Variants in RUSC1 observed in about 807,000 individuals in gnomAD.
RUSC1 encodes AP-4 complex accessory subunit RUSC1.
RUSC1 carries 40 observed loss-of-function variants against 72.1 expected under a neutral mutation model. The observed-to-expected ratio is 0.55, with a 90% CI of 0.43 to 0.72. RUSC1 has a LOEUF of 0.72. Among genes scored for constraint, RUSC1 ranks in the 30% least tolerant of loss-of-function variants. RUSC1 has a pLI of 0.00. For synonymous variants in RUSC1, 512 were observed against 494.2 expected (o/e 1.04, Z -0.48); for missense variants, 1,092 against 1,172.3 (o/e 0.93, Z 1.00).
In RUSC1 at chr1:155,326,275, C is replaced by T; in HGVS notation, c.1862-305C>T. ...CCCAGTGAGGCCCTACCTCTACCCT[C>T]GGACTAGGCCAACCCCCACGCCTCA... On this transcript the variant is annotated intron_variant, in intron 7 of 9. Coordinates refer to ENST00000368352, the MANE Select transcript of RUSC1 (RefSeq NM_001105203.2). This position sits in a 1 kb window ranked among gnomAD's most constrained non-coding sequence, Gnocchi z 4.7. 1.8e-6 allele frequency: 1 copy of T among 544,902 alleles called. No homozygotes were observed. Among genetic ancestry groups the T allele is most frequent in the Non-Finnish European group, 3.3e-6 (1 of 305,542 alleles). 33.8% of individuals were successfully genotyped at this position (544,902 alleles called of 1,614,324 possible). A position where few individuals can be genotyped will look rare whatever the true frequency, so the allele number is the denominator to read the frequency against.
intron 3 of RUSC1, 57 bp downstream of exon 3, chr1:155,325,000 GC>G: frequency 6.2e-7 from 1 of 1,613,834 alleles, no homozygotes; most frequent in Middle Eastern, 1.7e-4. Flanking sequence ...TTCGCCCCCG[GC>G]CCTGCTCTCA....
At chr1:155,324,789 G>C in intron 2 of RUSC1, 56 bp from the exon 3 acceptor site, 1 of 1,612,152 alleles carries the variant, frequency 6.2e-7, no homozygotes, top group Admixed American at 1.7e-5. Context: ...CGGGAGCCCG[G>C]AGTCCTCGGA....
chr1:155,327,242 G>A, intron 8 of RUSC1, 110 bp downstream of exon 8: 1 of 1,132,176 alleles, frequency 8.8e-7, no homozygotes, highest in Non-Finnish European at 1.2e-6. Context: ...TTGGCGGTCT[G>A]TTTTTCTACA....
Position 155,325,446 on chromosome 1 carries a change from G to T in RUSC1, c.1664G>T (p.Arg555Leu). 1.3e-6 allele frequency: 2 copies of T among 1,592,648 alleles called. No homozygotes were observed. Among genetic ancestry groups the T allele is most frequent in the Non-Finnish European group, 1.7e-6 (2 of 1,173,758 alleles). ...CGGAAGGACCTCATCACCGGGCAGC[G>T]CAGGAGCAGCCCCTGGAGCGTGGTG... ...PFRKDLITGQ[R>L]RSSPWSVVEA... Residue 555 changes from arginine (R) to leucine (L), a missense_variant, in exon 5 of 10, where the codon CGC becomes CTC. Arg to Leu is a moderately radical substitution (Grantham distance 102, BLOSUM62 -2). Transcript: ENST00000368352. The surrounding 1 kb of genome is among the most constrained non-coding windows in gnomAD (Gnocchi z 6.5).
In RUSC1 at chr1:155,328,270, C is replaced by G. The variant is rs141042910; in HGVS notation, c.2535C>G (p.Thr845=). 14 of 1,610,406 alleles carry G rather than the reference C, an allele frequency of 8.7e-6. No individual in the cohort carries two copies. The highest frequency in any genetic ancestry group is 1.3e-5 in the African/African-American group (1 of 74,868). Reference sequence around the variant, plus strand: ...CCTCAGCACCCAGGATGGTGCAAACCCATAGGTAAGGAGGATTGGGGAGAA... The same window carrying G: ...CCTCAGCACCCAGGATGGTGCAAACGCATAGGTAAGGAGGATTGGGGAGAA... ...LEASAPRMVQ[T]HRAVRALCDH... The change falls in exon 9 of 10, where the codon ACC becomes ACG. Residue 845 remains threonine (T), a synonymous_variant. Transcript: ENST00000368352.
Position 155,326,520 on chromosome 1 carries a change from T to TG in RUSC1, c.1862-54dup, listed in dbSNP as rs1651425054. 18 of 1,527,680 alleles carry TG rather than the reference T, an allele frequency of 1.2e-5. No individual in the cohort carries two copies. In the South Asian group the frequency reaches 1.4e-4, roughly 12 times the overall value. The allele number at this position is 1,527,680 out of a possible 1,614,324, so 94.6% of individuals were successfully genotyped here. A position where few individuals can be genotyped will look rare whatever the true frequency, so the allele number is the denominator to read the frequency against. ...ATGTGTGCTGACTGGTGGGCTGCTC[T>TG]GGGGGGTCTTCTGGGACTAGGTCCA... On this transcript the variant is annotated intron_variant, in intron 7 of 9. Coordinates refer to ENST00000368352, the MANE Select transcript of RUSC1 (RefSeq NM_001105203.2). This position sits in a 1 kb window ranked among gnomAD's most constrained non-coding sequence, Gnocchi z 4.7.
Position 155,327,148 on chromosome 1 carries a change from G to C in RUSC1, c.2414+16G>C. The C allele has an allele frequency of 6.3e-7, 1 of 1,581,126 alleles. No homozygotes were observed. The highest frequency in any genetic ancestry group is 8.6e-7 in the Non-Finnish European group (1 of 1,162,334). On this transcript the variant is annotated intron_variant, in intron 8 of 9. Transcript: ENST00000368352. ...TAAAGTCCAGGTAATGGGGTACCTT[G>C]TCCTTTCTATGACCTTCTGACTCTC...
chr1:155,322,270 C>T lies in RUSC1; in HGVS notation c.497C>T (p.Ser166Phe), dbSNP rs1474487003. 9 of 1,612,458 alleles carry T rather than the reference C, an allele frequency of 5.6e-6. No individual in the cohort carries two copies. The highest frequency in any genetic ancestry group is 1.7e-6 in the Non-Finnish European group (2 of 1,178,810). ...GACAGCTTCTGCTGCTCTCCTGATTCCTGCTCCGGAGCTTCTTCTTCACCC... is the reference window on the plus strand; with the variant it reads ...GACAGCTTCTGCTGCTCTCCTGATTTCTGCTCCGGAGCTTCTTCTTCACCC... The part of the protein sequence containing the change: ...SPDSFCCSPD[S>F]CSGASSSPDP... Residue 166 changes from serine (S) to phenylalanine (F), a missense_variant, in exon 2 of 10, where the codon TCC becomes TTC. Ser to Phe is a radical substitution (Grantham distance 155, BLOSUM62 -2). Transcript: ENST00000368352.
intron 9 of RUSC1, among the ~76,000 whole-genome samples, chr1:155,330,027 T>C (rs772215782): frequency 6.7e-6 from 1 of 148,390 alleles, no homozygotes; most frequent in African/African-American, 2.5e-5. Context: ...TGGTGATGGA[T>C]TGGATGTATG....
intron 9 of RUSC1, among the ~76,000 whole-genome samples, chr1:155,329,309 C>T (rs1651762158): frequency 6.6e-6 from 1 of 150,378 alleles, no homozygotes; most frequent in South Asian, 2.1e-4. Context: ...TGGTCTTGAA[C>T]TCCTGGCCTC....
At position 155,325,344 on chromosome 1, in the gene RUSC1, C is replaced by T; in HGVS notation, c.1562C>T (p.Pro521Leu). 2 of 1,599,854 alleles carry T rather than the reference C, an allele frequency of 1.3e-6. No homozygotes were observed. The highest frequency in any genetic ancestry group is 2.2e-5 in the South Asian group (2 of 90,438). ...KAQLGDSRLS[P>L]DVGHLVLTTL... ...CAGTTGGGTGATAGCCGGCTGAGCC[C>T]GGATGTGGGGCACCTGGTGCTGACC... Residue 521 changes from proline to leucine, a missense_variant, in exon 5 of 10, where the codon CCG (proline) becomes CTG (leucine). Transcript: ENST00000368352. The surrounding 1 kb of genome is among the most constrained non-coding windows in gnomAD (Gnocchi z 6.5).
rs369561754 is a variant in RUSC1 at position 155,322,930 on chromosome 1, C to T, written c.1157C>T (p.Pro386Leu). 4.5e-5 allele frequency: 72 copies of T among 1,602,514 alleles called. No individual in the cohort carries two copies. In the East Asian group the frequency reaches 1.2e-3, roughly 27 times the overall value. The change falls in exon 2 of 10, where the codon CCG becomes CTG. Residue 386 changes from proline to leucine, a missense_variant. Coordinates refer to ENST00000368352, the MANE Select transcript of RUSC1 (RefSeq NM_001105203.2). ...AGCCGGGCCCCAGCCCCGCCAGTCCCGCCTCGAGACCCCCCAGTTGGCTGG... is the reference window on the plus strand; with the variant it reads ...AGCCGGGCCCCAGCCCCGCCAGTCCTGCCTCGAGACCCCCCAGTTGGCTGG... ...SRSRAPAPPVPPRDPPVGWAL... is the reference protein window; with the variant it reads ...SRSRAPAPPVLPRDPPVGWAL...
At chr1:155,324,594 G>A (rs1178904368) in intron 2 of RUSC1, 1 of 1,555,054 alleles carries the variant, frequency 6.4e-7, no homozygotes, top group South Asian at 1.2e-5. Context: ...GGAGGTGGGG[G>A]CTGTGCCCTG....
At chr1:155,324,260 C>A in intron 2 of RUSC1, 1 of 1,491,596 alleles carries the variant, frequency 6.7e-7, no homozygotes, top group African/African-American at 1.4e-5. Context: ...ACGCCCTCTC[C>A]GCGAGTCCAG....
In RUSC1 at chr1:155,326,599, C is replaced by T. The variant is rs1031664617; in HGVS notation, c.1881C>T (p.Tyr627=). Residue 627 remains tyrosine (Y), a synonymous_variant, in exon 8 of 10, where the codon TAC becomes TAT. Transcript: ENST00000368352. This position sits in a 1 kb window ranked among gnomAD's most constrained non-coding sequence, Gnocchi z 4.7. ...TTCCAGGCCTGCTCTCCCTCCTGTA[C>T]CTGCCAACAGGATTTTTCTCCCTGG... ...QEDAGLLSLL[Y]LPTGFFSLAR... The T allele has an allele frequency of 6.2e-7, 1 of 1,612,826 alleles. No homozygotes were observed.
chr1:155,325,989 C>A lies in RUSC1; in HGVS notation c.1861+79C>A, dbSNP rs920483637. On this transcript the variant is annotated intron_variant, in intron 7 of 9. Transcript: ENST00000368352. This position sits in a 1 kb window ranked among gnomAD's most constrained non-coding sequence, Gnocchi z 6.5. ...GAAAGAGTTCTCTCCTGCTGGTTCC[C>A]ACTGCTGCCAGAATGCCATTAATCC... The A allele has an allele frequency of 2.9e-6, 4 of 1,403,438 alleles. No individual in the cohort carries two copies. Among genetic ancestry groups the A allele is most frequent in the Non-Finnish European group, 4.0e-6 (4 of 989,024 alleles). The allele number at this position is 1,403,438 out of a possible 1,614,324, so 86.9% of individuals were successfully genotyped here. A position where few individuals can be genotyped will look rare whatever the true frequency, so the allele number is the denominator to read the frequency against.
At chr1:155,324,562 G>A (rs1279344225) in intron 2 of RUSC1, 3 of 1,580,052 alleles carry the variant, frequency 1.9e-6, no homozygotes, top group African/African-American at 1.4e-5. Context: ...CGGCCATCCC[G>A]CTCCCGGAGT....
chr1:155,324,152 T>G, intron 2 of RUSC1: 1 of 1,323,328 alleles, frequency 7.6e-7, no homozygotes, highest in Non-Finnish European at 9.7e-7. Flanking sequence ...CTCTGTGGAA[T>G]TCCTTGGCCT....
Position 155,323,081 on chromosome 1 carries a change from C to T in RUSC1, c.1308C>T (p.Gly436=). 1 of 1,426,040 alleles carries T rather than the reference C, an allele frequency of 7.0e-7. No individual in the cohort carries two copies. The highest frequency in any genetic ancestry group is 2.7e-5 in the East Asian group (1 of 37,590). The allele number at this position is 1,426,040 out of a possible 1,614,324, so 88.3% of individuals were successfully genotyped here. Residue 436 remains glycine, a synonymous_variant, in exon 2 of 10, where the codon GGC becomes GGT. Transcript: ENST00000368352. ...GCCGGGCTGTCAGCCCAGCGGCTGG[C>T]GAGGAGGCCCCAGCCGCGAAGGAGC... is the stretch of plus-strand genomic sequence containing the variant. ...EEGRAVSPAA[G]EEAPAAKEPG...
Sources: gnomAD v4.1 joint callset for allele counts (sites outside exome capture counted in the v4.1 genomes callset) on GRCh38, gnomAD v4.1.1 for gene constraint, Gnocchi (gnomAD v3.1) non-coding constraint, MANE v1.5 for transcripts, NCBI Gene and HGNC (gene_info 2026-07-23, HGNC 2026-07-21) for gene names.